ADAMTS16: variants seen among roughly 807,000 people sequenced by gnomAD.
ADAMTS16 encodes the protein ADAM metallopeptidase with thrombospondin type 1 motif 16.
In ADAMTS16, 94 loss-of-function variants were observed where a neutral mutation model predicts 145.8. That is an observed-to-expected ratio of 0.64 (90% confidence interval 0.55 to 0.77). ADAMTS16 has a LOEUF of 0.77. Ranked by LOEUF, ADAMTS16 falls within the 30% of genes least tolerant of loss-of-function variation. The pLI, the probability that ADAMTS16 is intolerant of heterozygous loss-of-function variation, is 0.00. For missense variants in ADAMTS16, 1,585 were observed against 1,591.5 expected (o/e 1.00, Z 0.07); for synonymous variants, 659 against 604.3 (o/e 1.09, Z -1.33).
chr5:5,286,883 A>ATG (rs60221321), intron 18 of ADAMTS16, among the ~76,000 whole-genome samples: 1 of 122,566 alleles, frequency 8.2e-6, no homozygotes, highest in Admixed American at 9.0e-5. Flanking sequence ...AAAAAAAAAA[A>ATG]GAGTTTTTAT....
At chr5:5,155,110 C>T (rs766340184) in intron 3 of ADAMTS16, among the ~76,000 whole-genome samples, 10 of 152,186 alleles carry the variant, frequency 6.6e-5, no homozygotes, top group African/African-American at 1.4e-4. Flanking sequence ...TGAGGTTTAA[C>T]GAGAGCAGCC....
chr5:5,174,998 C>A (rs557525923), intron 3 of ADAMTS16, among the ~76,000 whole-genome samples: 12 of 152,276 alleles, frequency 7.9e-5, no homozygotes, highest in Non-Finnish European at 8.8e-5. Context: ...GGAATTGGTA[C>A]CTAAGTTGCA....
intron 18 of ADAMTS16, among the ~76,000 whole-genome samples, chr5:5,282,505 T>C (rs534003012): frequency 2.0e-5 from 3 of 152,298 alleles, no homozygotes; most frequent in African/African-American, 7.2e-5. Context: ...TAAATCCACA[T>C]GCGGTTCACA....
rs75530073 is a variant in ADAMTS16, at chr5:5,201,118, C to T, written c.1451+849C>T. Among the ~76,000 whole-genome samples, 765 of 152,282 alleles carry T rather than the reference C, an allele frequency of 5.0e-3. 10 individuals are homozygous for T. Among genetic ancestry groups the T allele is most frequent in the East Asian group, 0.024 (126 of 5,176 alleles). On this transcript the variant is annotated intron_variant, in intron 9 of 22. Coordinates refer to ENST00000274181, the MANE Select transcript of ADAMTS16 (RefSeq NM_139056.4). The stretch of plus-strand genomic sequence containing the variant: ...TTCAGAGACCCAGGTTTCTTCCATC[C>T]TGTGACCTTTCCTCTTCCAGGACCT...
At chr5:5,206,425 CAAAAAAAA>C (rs1173829992) in intron 9 of ADAMTS16, among the ~76,000 whole-genome samples, 3 of 39,436 alleles carry the variant, frequency 7.6e-5, no homozygotes, top group African/African-American at 1.2e-4. Context: ...GACTCCGTCT[CAAAAAAAA>C]AAAAAAAAAA....
At chr5:5,184,668 C>T (rs1049539745) in intron 4 of ADAMTS16, among the ~76,000 whole-genome samples, 3 of 152,028 alleles carry the variant, frequency 2.0e-5, no homozygotes, top group African/African-American at 7.3e-5. Flanking sequence ...GGCCTGCTGC[C>T]CTTCAGGTGA....
intron 11 of ADAMTS16, chr5:5,223,349 T>C (rs1421278375): frequency 6.4e-6 from 1 of 156,734 alleles, no homozygotes; most frequent in African/African-American, 2.4e-5. Context: ...GTGGACGTAG[T>C]TGGAGGCCAT....
Position 5,235,199 on chromosome 5 carries a change from C to T in ADAMTS16, c.2023+13C>T. ...ACTCAAGTAGAAGGTAAATCTCAAA[C>T]TGCTTTCGGGTAATAGCCTCATGCT... On this transcript the variant is annotated intron_variant, in intron 13 of 22. Coordinates refer to ENST00000274181, the MANE Select transcript of ADAMTS16 (RefSeq NM_139056.4). 1.3e-6 allele frequency: 2 copies of T among 1,554,474 alleles called. No individual in the cohort carries two copies. The highest frequency in any genetic ancestry group is 1.8e-6 in the Non-Finnish European group (2 of 1,138,528).
At position 5,242,112 on chromosome 5, in the gene ADAMTS16, G is replaced by T. The variant is rs767753888; in HGVS notation, c.2583G>T (p.Gly861=). ...GGGAATACTCCATGCCTCGCTTGGG[G>T]ACCGAGAAGCAGCCCCCTGCCCAGC... ...VAWEYSMPRL[G]TEKQPPAQPS... The change falls in exon 17 of 23, where the codon GGG becomes GGT. Residue 861 remains glycine, a synonymous_variant. Coordinates refer to ENST00000274181, the MANE Select transcript of ADAMTS16 (RefSeq NM_139056.4). The T allele has an allele frequency of 1.2e-6, 2 of 1,614,202 alleles. No homozygotes were observed. The highest frequency in any genetic ancestry group is 4.5e-5 in the East Asian group (2 of 44,870).
intron 11 of ADAMTS16, chr5:5,223,816 C>T (rs1439570065): frequency 6.6e-6 from 1 of 151,420 alleles, no homozygotes. Flanking sequence ...AAGATAGATC[C>T]TGGACCCACA....
intron 9 of ADAMTS16, 104 bp downstream of exon 9, chr5:5,200,373 GTGGTTCCCTT>G: frequency 2.0e-6 from 3 of 1,463,994 alleles, no homozygotes; most frequent in Non-Finnish European, 2.8e-6. Flanking sequence ...GCTTCCTGAT[GTGGTTCCCTT>G]TGAAGGTGTC....
At chr5:5,146,575 A>G in intron 3 of ADAMTS16, 120 bp downstream of exon 3, 1 of 1,099,918 alleles carries the variant, frequency 9.1e-7, no homozygotes, top group Non-Finnish European at 1.3e-6. Context: ...GCGCAGATTA[A>G]GCAGGAGGAA....
At chr5:5,230,009 G>A (rs1736877930) in intron 11 of ADAMTS16, among the ~76,000 whole-genome samples, 1 of 152,144 alleles carries the variant, frequency 6.6e-6, no homozygotes, top group Admixed American at 6.5e-5. Flanking sequence ...CAGGCATTCT[G>A]TGTGCATATA....
At position 5,250,736 on chromosome 5, in the gene ADAMTS16, T is replaced by TGTGTGTGTGTGTGTGTGC. The variant is rs764397980; in HGVS notation, c.2662+8546_2662+8547insTGTGTGTGTGTGTGTGCG. On this transcript the variant is annotated intron_variant, in intron 17 of 22. Transcript: ENST00000274181. Reference sequence around the variant, plus strand: ...GTGTGTGTGTGTGTGTGTGTGTGTGTGCGCGCACTCCTGGAGAGGCACAGA... The same window carrying TGTGTGTGTGTGTGTGTGC: ...GTGTGTGTGTGTGTGTGTGTGTGTGTGTGTGTGTGTGTGTGTGCGCGCGCACTCCTGGAGAGGCACAGA... 2.8e-5 allele frequency among the ~76,000 whole-genome samples: 4 copies of TGTGTGTGTGTGTGTGTGC among 141,924 alleles called. No homozygotes were observed. The South Asian group carries it at 6.7e-4, about 24-fold the overall frequency. 93.1% of individuals were successfully genotyped at this position (141,924 alleles called of 152,430 possible).
chr5:5,192,915 C>G (rs1206997794), intron 8 of ADAMTS16, among the ~76,000 whole-genome samples: 1 of 152,192 alleles, frequency 6.6e-6, no homozygotes, highest in Non-Finnish European at 1.5e-5. Context: ...ATACCAGAAC[C>G]ACCAACTGGA....
rs747404076 is a variant in ADAMTS16 at position 5,186,062 on chromosome 5, GCCT to G, written c.777_779del (p.Pro260del). ...TGTGTCCCTCCATAGACATGCCCCA[GCCT>G]CCCAAGGAAGACCTCTTCATCTTGC... On this transcript the variant is annotated inframe_deletion, in exon 5 of 23. Coordinates refer to ENST00000274181, the MANE Select transcript of ADAMTS16 (RefSeq NM_139056.4). 6.2e-7 allele frequency: 1 copy of G among 1,612,940 alleles called. No homozygotes were observed. Among genetic ancestry groups the G allele is most frequent in the African/African-American group, 1.3e-5 (1 of 75,010 alleles).
At chr5:5,274,900 T>A (rs1738630865) in intron 18 of ADAMTS16, among the ~76,000 whole-genome samples, 1 of 152,218 alleles carries the variant, frequency 6.6e-6, no homozygotes, top group Admixed American at 6.5e-5. Flanking sequence ...TGTGGTTGGC[T>A]CTAAAATTCA....
chr5:5,146,607 CA>C, intron 3 of ADAMTS16, 152 bp downstream of exon 3: 3 of 867,844 alleles, frequency 3.5e-6, no homozygotes, highest in Non-Finnish European at 5.1e-6. Context: ...AAAACTTTTC[CA>C]AAAAACATTG....
rs1560982894 is a variant in ADAMTS16, at chr5:5,276,108, CT to C, written c.2789+13327del. 1.2e-3 allele frequency among the ~76,000 whole-genome samples: 4 copies of C among 3,412 alleles called. No homozygotes were observed. In the East Asian group the frequency reaches 0.38, roughly 320 times the overall value. 2.2% of individuals were successfully genotyped at this position (3,412 alleles called of 152,430 possible). A position where few individuals can be genotyped will look rare whatever the true frequency, so the allele number is the denominator to read the frequency against. Reference sequence around the variant, plus strand: ...TCCTGACCTCAGGTGATCCACCCATCTTGGCCTCCCAAACTGCTGGGATTAC... The same window carrying C: ...TCCTGACCTCAGGTGATCCACCCATCTGGCCTCCCAAACTGCTGGGATTAC... On this transcript the variant is annotated intron_variant, in intron 18 of 22. Coordinates refer to ENST00000274181, the MANE Select transcript of ADAMTS16 (RefSeq NM_139056.4).
Sources: allele counts gnomAD v4.1 joint callset (sites outside exome capture counted in the v4.1 genomes callset), GRCh38; gene constraint gnomAD v4.1.1; transcripts MANE v1.5; gene names NCBI Gene and HGNC (gene_info 2026-07-23, HGNC 2026-07-21).